The following CEP63 variants were observed in gnomAD, a reference collection of about 807,000 sequenced individuals.
CEP63 encodes the protein centrosomal protein of 63 kDa.
In CEP63, 84 loss-of-function variants were observed where a neutral mutation model predicts 89.1. The observed-to-expected ratio is 0.94, with a 90% CI of 0.79 to 1.13. CEP63 has a LOEUF of 1.13. Among genes scored for constraint, CEP63 ranks in the 50% most tolerant of loss-of-function variants. The pLI, the probability that CEP63 is intolerant of heterozygous loss-of-function variation, is 0.00. For synonymous variants in CEP63, 267 were observed against 272.5 expected, an observed-to-expected ratio of 0.98 and a Z score of 0.20; for missense variants, 838 against 813.3, an observed-to-expected ratio of 1.03 and a Z score of -0.37.
At chr3:134,678,968 G>A in the CEP63 span, among the ~76,000 whole-genome samples, 3 of 152,138 alleles carry the variant, frequency 2.0e-5, no homozygotes, top group Admixed American at 2.0e-4. Flanking sequence ...GCTCATTCAG[G>A]TCTCAGTACA....
chr3:134,655,720 C>T, the CEP63 span, among the ~76,000 whole-genome samples: 2 of 152,180 alleles, frequency 1.3e-5, no homozygotes, highest in Non-Finnish European at 2.9e-5. Context: ...AAAAGATCAG[C>T]TGTCAGCCTA....
chr3:134,496,191 TTGA>T (rs1315951181), intron 2 of CEP63, among the ~76,000 whole-genome samples: 2 of 87,388 alleles, frequency 2.3e-5, no homozygotes, highest in Non-Finnish European at 2.7e-5. Flanking sequence ...CAAACTTTTA[TTGA>T]TGCTATTTCA....
downstream of CEP63, chr3:134,575,029 G>A (rs755446368): frequency 7.5e-6 from 3 of 402,678 alleles, no homozygotes; most frequent in Non-Finnish European, 1.3e-5. Context: ...TTTTGCCAAA[G>A]CTTCTCATCA....
chr3:134,665,547 A>G, the CEP63 span, among the ~76,000 whole-genome samples: 2 of 152,158 alleles, frequency 1.3e-5, no homozygotes, highest in Non-Finnish European at 2.9e-5. Flanking sequence ...CTCCGTGATG[A>G]AAAGGGGCCT....
chr3:134,568,831 T>C (rs1957895127), downstream of CEP63, among the ~76,000 whole-genome samples: 1 of 152,134 alleles, frequency 6.6e-6, no homozygotes, highest in African/African-American at 2.4e-5. Flanking sequence ...GTATTAAGTG[T>C]TTTATTAGTC....
the CEP63 span, among the ~76,000 whole-genome samples, chr3:134,749,038 GAGGACTC>G: frequency 6.6e-6 from 1 of 152,148 alleles, no homozygotes; most frequent in Non-Finnish European, 1.5e-5. Flanking sequence ...GGGCAGGGAG[GAGGACTC>G]AGGACTCAGA....
rs1577269517 is a variant in CEP63, at chr3:134,546,149, G to T, written c.790G>T (p.Ala264Ser). 2 of 1,613,634 alleles carry T rather than the reference G, an allele frequency of 1.2e-6. No individual in the cohort carries two copies. Among genetic ancestry groups the T allele is most frequent in the Middle Eastern group, 1.7e-4 (1 of 6,058 alleles). The change falls in exon 8 of 15, where the codon GCT becomes TCT. Residue 264 changes from alanine to serine, a missense_variant and splice_region_variant. Physicochemically the swap from Ala to Ser is moderately conservative, Grantham distance 99. Coordinates refer to ENST00000675561, the MANE Select transcript of CEP63 (RefSeq NM_001353108.3). ...KLRESEKLLE[A>S]LQEEKRELKA... Reference sequence around the variant, plus strand: ...ATAATCATATTTGACTTTTTTGCAGGCTCTGCAGGAAGAAAAGAGAGAATT... The same window carrying T: ...ATAATCATATTTGACTTTTTTGCAGTCTCTGCAGGAAGAAAAGAGAGAATT...
intron 11 of CEP63, among the ~76,000 whole-genome samples, chr3:134,573,579 C>G (rs1265066391): frequency 1.3e-5 from 2 of 152,088 alleles, no homozygotes; most frequent in Non-Finnish European, 2.9e-5. Context: ...GGCTTTATTT[C>G]TGAGTTTTCT....
the CEP63 span, among the ~76,000 whole-genome samples, chr3:134,606,085 C>T: frequency 2.0e-5 from 3 of 152,310 alleles, no homozygotes; most frequent in African/African-American, 7.2e-5. Context: ...CCTCCTCTCC[C>T]CTCACTTCTG....
the CEP63 span, chr3:134,610,626 T>A: frequency 2.2e-6 from 1 of 464,094 alleles, no homozygotes; most frequent in South Asian, 3.5e-5. Context: ...CGCTGTCTGC[T>A]CCTCCCCTGA....
the CEP63 span, among the ~76,000 whole-genome samples, chr3:134,754,117 G>A: frequency 6.6e-6 from 1 of 152,186 alleles, no homozygotes; most frequent in East Asian, 1.9e-4. Flanking sequence ...CTGGTGAATG[G>A]CCCCTGCTGG....
chr3:134,515,127 A>G (rs545694052), intron 3 of CEP63, among the ~76,000 whole-genome samples: 1 of 152,336 alleles, frequency 6.6e-6, no homozygotes, highest in South Asian at 2.1e-4. Context: ...CTAACATTAG[A>G]CCTTGTTAAG....
At position 134,510,595 on chromosome 3, in the gene CEP63, C is replaced by T. The variant is rs184642762; in HGVS notation, c.222+3309C>T. On this transcript the variant is annotated intron_variant, in intron 3 of 14. Coordinates refer to ENST00000675561, the MANE Select transcript of CEP63 (RefSeq NM_001353108.3). ...CATTTGGGGCACAACTTACTGTCTT[C>T]AAGGTGCAGGGGTGGGAAATTGGGA... is the stretch of plus-strand genomic sequence containing the variant. 7.9e-5 allele frequency: 49 copies of T among 622,650 alleles called. No individual in the cohort carries two copies. In the East Asian group the frequency reaches 1.6e-3, roughly 20 times the overall value. 38.6% of individuals were successfully genotyped at this position (622,650 alleles called of 1,614,324 possible).
chr3:134,498,599 G>C (rs1940930785), intron 2 of CEP63, among the ~76,000 whole-genome samples: 1 of 152,112 alleles, frequency 6.6e-6, no homozygotes, highest in Admixed American at 6.5e-5. Flanking sequence ...TGTGTTGAAT[G>C]GGAGTGGTGG....
chr3:134,674,296 G>A, the CEP63 span, among the ~76,000 whole-genome samples: 4 of 152,112 alleles, frequency 2.6e-5, no homozygotes, highest in Non-Finnish European at 5.9e-5. Flanking sequence ...CATAAGAAAA[G>A]CAACAACTGA....
the CEP63 span, among the ~76,000 whole-genome samples, chr3:134,631,501 A>G: frequency 6.6e-6 from 1 of 151,740 alleles, no homozygotes; most frequent in Non-Finnish European, 1.5e-5. Flanking sequence ...GTTCTTGATA[A>G]TATGAATAAT....
At chr3:134,572,379 A>T (rs556077536) in intron 11 of CEP63, among the ~76,000 whole-genome samples, 1 of 152,172 alleles carries the variant, frequency 6.6e-6, no homozygotes, top group Non-Finnish European at 1.5e-5. Flanking sequence ...ATAGTATCCA[A>T]TAGACAGTTT....
At chr3:134,745,892 T>C in the CEP63 span, among the ~76,000 whole-genome samples, 1 of 151,504 alleles carries the variant, frequency 6.6e-6, no homozygotes, top group Non-Finnish European at 1.5e-5. Context: ...TAGTATTCCA[T>C]GGTGTATATG....
At chr3:134,548,488 G>A (rs549827567) in intron 9 of CEP63, among the ~76,000 whole-genome samples, 2 of 152,198 alleles carry the variant, frequency 1.3e-5, no homozygotes, top group African/African-American at 4.8e-5. Flanking sequence ...TCAACTTTTT[G>A]ATTGGGAAGA....
Sources: gnomAD v4.1 joint callset for allele counts (sites outside exome capture counted in the v4.1 genomes callset) on GRCh38, gnomAD v4.1.1 for gene constraint, MANE v1.5 for transcripts, NCBI Gene and HGNC (gene_info 2026-07-23, HGNC 2026-07-21) for gene names.